The following PPP4R2 variants were observed in gnomAD, a reference collection of about 807,000 sequenced individuals.
The protein encoded by PPP4R2 is serine/threonine-protein phosphatase 4 regulatory subunit 2.
Under a neutral mutation model 47.2 loss-of-function variants are expected in PPP4R2, and 13 were observed. That is an observed-to-expected ratio of 0.28 (90% CI 0.18 to 0.44). The LOEUF (loss-of-function observed/expected upper bound fraction) is 0.44. PPP4R2 is among the 20% of genes least tolerant of loss of function. The probability of loss-of-function intolerance (pLI) is 1.00; values close to 1 mark genes in which losing one functional copy is unlikely to be tolerated. For missense variants in PPP4R2, 421 were observed against 491.2 expected, an observed-to-expected ratio of 0.86 and a Z score of 1.35; for synonymous variants, 151 against 163.3, an observed-to-expected ratio of 0.92 and a Z score of 0.57.
intron 2 of PPP4R2, among the ~76,000 whole-genome samples, chr3:73,040,112 T>G (rs1702346078): frequency 6.6e-6 from 1 of 152,168 alleles, no homozygotes; most frequent in African/African-American, 2.4e-5. Flanking sequence ...GATGAGGGAT[T>G]GCAAAGGACC....
At chr3:73,054,629 G>C (rs1702692109) in intron 3 of PPP4R2, among the ~76,000 whole-genome samples, 1 of 152,022 alleles carries the variant, frequency 6.6e-6, no homozygotes. Context: ...TTTTTAGTAG[G>C]ATGTCAGATT....
At chr3:73,011,199 G>T (rs990942663) in intron 2 of PPP4R2, among the ~76,000 whole-genome samples, 1 of 152,192 alleles carries the variant, frequency 6.6e-6, no homozygotes, top group Non-Finnish European at 1.5e-5. Flanking sequence ...GAGCTTTCAG[G>T]CCAGGTGCGG....
chr3:73,015,723 C>A, intron 2 of PPP4R2: 1 of 383,616 alleles, frequency 2.6e-6, no homozygotes, highest in Non-Finnish European at 5.3e-6. Flanking sequence ...CTGCAAGCTC[C>A]ACCCCCTGGG....
At chr3:73,028,489 G>C (rs56731069) in intron 2 of PPP4R2, among the ~76,000 whole-genome samples, 19,770 of 151,974 alleles carry the variant, frequency 0.13, 1,572 homozygotes, top group East Asian at 0.36. Flanking sequence ...ATGGAGTCTC[G>C]CTCTTCCACC....
At chr3:73,061,970 T>C (rs529123248) in intron 5 of PPP4R2, 1 of 693,882 alleles carries the variant, frequency 1.4e-6, no homozygotes, top group African/African-American at 1.8e-5. Flanking sequence ...TTAAAATGTA[T>C]ACATGATAAA....
chr3:73,002,603 A>ATT lies in PPP4R2; in HGVS notation c.116+4449_116+4450dup, dbSNP rs1331457674. Among the ~76,000 whole-genome samples the ATT allele has an allele frequency of 5.8e-4, 52 of 89,756 alleles. 1 individual carries two copies. The highest frequency in any genetic ancestry group is 2.1e-3 in the African/African-American group (51 of 23,972). 58.9% of individuals were successfully genotyped at this position (89,756 alleles called of 152,430 possible). ...GCAGTAAACATGGGAGTGCACAGGG[A>ATT]TTTTTCTTTTCTTTTCTTTTCTTTT... On this transcript the variant is annotated intron_variant, in intron 2 of 8. Transcript: ENST00000356692.
At chr3:73,040,279 A>G (rs1702350448) in intron 2 of PPP4R2, among the ~76,000 whole-genome samples, 1 of 152,132 alleles carries the variant, frequency 6.6e-6, no homozygotes, top group South Asian at 2.1e-4. Flanking sequence ...GTTGCTTTAT[A>G]TTACTGATGA....
At chr3:73,041,552 T>G (rs530439694) in intron 2 of PPP4R2, among the ~76,000 whole-genome samples, 1 of 152,386 alleles carries the variant, frequency 6.6e-6, no homozygotes, top group African/African-American at 2.4e-5. Context: ...CTTTAATGAA[T>G]GATCATCTCC....
intron 3 of PPP4R2, among the ~76,000 whole-genome samples, chr3:73,055,881 C>T (rs1313369691): frequency 1.3e-5 from 2 of 152,256 alleles, no homozygotes; most frequent in East Asian, 1.9e-4. Flanking sequence ...CCTGGGATTA[C>T]AGGCGTGAGC....
chr3:73,065,429 G>C lies in PPP4R2; in HGVS notation c.961G>C (p.Glu321Gln), dbSNP rs768521729. Residue 321 changes from glutamate (E) to glutamine (Q), a missense_variant, in exon 9 of 9, where the codon GAA becomes CAA. Glu to Gln is a conservative substitution (Grantham distance 29, BLOSUM62 2). This residue lies in a region of PPP4R2 where 317 missense variants were observed against 287.5 expected (regional missense o/e 1.10). Transcript: ENST00000356692. ...TATGACATCAAGAGAAATGATCCCA[G>C]AAAGAAAAAATCAAGAAAAAGAATC... ...SFMTSREMIP[E>Q]RKNQEKESDD... 2 of 1,604,150 alleles carry C rather than the reference G, an allele frequency of 1.2e-6. No homozygotes were observed. Among genetic ancestry groups the C allele is most frequent in the East Asian group, 2.2e-5 (1 of 44,758 alleles).
At chr3:73,021,232 AAT>A (rs201006898) in intron 2 of PPP4R2, among the ~76,000 whole-genome samples, 8,453 of 114,656 alleles carry the variant, frequency 0.074, 561 homozygotes, top group African/African-American at 0.22. Context: ...ATTAAAAAAA[AAT>A]TTTTTTTTTT....
At chr3:73,032,357 C>T (rs1032299665) in intron 2 of PPP4R2, among the ~76,000 whole-genome samples, 25 of 151,636 alleles carry the variant, frequency 1.6e-4, no homozygotes, top group Admixed American at 5.2e-4. Context: ...AGCATGATCT[C>T]GGCTCATTGC....
In PPP4R2 at chr3:73,069,192, T is replaced by C. The variant is rs1270540669; in HGVS notation, c.*3470T>C. ...TTTCATAATGCAATAAAATATAAAT[T>C]AGAATATTTCTATGTGTGTAATTAT... On this transcript the variant is annotated 3_prime_UTR_variant, in exon 9 of 9. Coordinates refer to ENST00000356692, the MANE Select transcript of PPP4R2 (RefSeq NM_174907.4). 1 of 152,308 alleles carries C rather than the reference T, an allele frequency of 6.6e-6. No homozygotes were observed. Among genetic ancestry groups the C allele is most frequent in the South Asian group, 2.1e-4 (1 of 4,830 alleles). The allele number at this position is 152,308 out of a possible 1,614,324, so 9.4% of individuals were successfully genotyped here. A position where few individuals can be genotyped will look rare whatever the true frequency, so the allele number is the denominator to read the frequency against.
intron 2 of PPP4R2, among the ~76,000 whole-genome samples, chr3:73,028,063 C>G (rs6784953): frequency 0.39 from 59,403 of 150,518 alleles, 12,192 homozygotes; most frequent in African/African-American, 0.46. Context: ...TTGAGACCAG[C>G]CTGGCCAACA....
chr3:73,022,384 G>A (rs965425484), intron 2 of PPP4R2, among the ~76,000 whole-genome samples: 3 of 151,950 alleles, frequency 2.0e-5, no homozygotes, highest in Non-Finnish European at 2.9e-5. Flanking sequence ...GTATATAGAA[G>A]GTCAACAAAC....
intron 2 of PPP4R2, among the ~76,000 whole-genome samples, chr3:73,004,036 G>A (rs984933294): frequency 2.0e-5 from 3 of 151,884 alleles, no homozygotes; most frequent in African/African-American, 7.3e-5. Flanking sequence ...GGGTTTCATC[G>A]TGTTGGCCAG....
At chr3:73,055,170 G>A (rs957394705) in intron 3 of PPP4R2, among the ~76,000 whole-genome samples, 7 of 152,140 alleles carry the variant, frequency 4.6e-5, no homozygotes, top group African/African-American at 1.7e-4. Context: ...TGGACCATGT[G>A]TGCCTTCCCA....
At chr3:73,005,804 T>G (rs1385764215) in intron 2 of PPP4R2, among the ~76,000 whole-genome samples, 2 of 127,422 alleles carry the variant, frequency 1.6e-5, no homozygotes, top group East Asian at 4.4e-4. Flanking sequence ...TGCACTCCAG[T>G]CTGGGCAACA....
At chr3:73,018,163 A>G (rs1280685093) in intron 2 of PPP4R2, among the ~76,000 whole-genome samples, 1 of 152,172 alleles carries the variant, frequency 6.6e-6, no homozygotes, top group Non-Finnish European at 1.5e-5. Context: ...ACTTTTAGCC[A>G]GGCAGATATA....
Sources: allele counts gnomAD v4.1 joint callset (sites outside exome capture counted in the v4.1 genomes callset), GRCh38; gene constraint gnomAD v4.1.1; regional missense constraint gnomAD v4.1.1; transcripts MANE v1.5; gene names NCBI Gene and HGNC (gene_info 2026-07-23, HGNC 2026-07-21).